ABCC4: variants seen among roughly 807,000 people sequenced by gnomAD.
ABCC4 encodes ATP binding cassette subfamily C member 4 (PEL blood group).
Under a neutral mutation model 168.5 loss-of-function variants are expected in ABCC4, and 102 were observed. The ratio of observed to expected loss-of-function variants is 0.61; its 90% CI spans 0.52 to 0.71. The LOEUF is 0.71. ABCC4 is among the 30% of genes least tolerant of loss of function. ABCC4 has a pLI of 0.00. For synonymous variants in ABCC4, 617 were observed against 590.7 expected (o/e 1.04, Z -0.65); for missense variants, 1,402 against 1,605.8 (o/e 0.87, Z 2.17).
rs762421981 is a variant in ABCC4 at position 95,206,731 on chromosome 13, A to C, written c.962T>G (p.Leu321Trp). The C allele has an allele frequency of 6.2e-7, 1 of 1,614,174 alleles. No individual in the cohort carries two copies. Among genetic ancestry groups the C allele is most frequent in the Non-Finnish European group, 8.5e-7 (1 of 1,180,006 alleles). Residue 321 changes from leucine to tryptophan, a missense_variant, in exon 8 of 31, where the codon TTG becomes TGG. By Grantham distance (61) the Leu-to-Trp change is moderately conservative. Transcript: ENST00000645237. ...LRSSCLRGMNLASFFSASKII... is the reference protein window; with the variant it reads ...LRSSCLRGMNWASFFSASKII... ...TTTGCTTGCACTGAAAAATGAAGCC[A>C]AATTCATCCCTCTGAGGCAGGAACT...
chr13:95,193,407 C>G (rs2038320161), intron 9 of ABCC4, among the ~76,000 whole-genome samples: 1 of 152,202 alleles, frequency 6.6e-6, no homozygotes, highest in Non-Finnish European at 1.5e-5. Flanking sequence ...TTGCTGGCAG[C>G]TGGGCCACTG....
At position 95,096,104 on chromosome 13, in the gene ABCC4, T is replaced by C; in HGVS notation, c.2536-12814A>G. The C allele has an allele frequency of 7.2e-6, 4 of 554,902 alleles. No individual in the cohort carries two copies. In the South Asian group the frequency reaches 9.7e-5, roughly 14 times the overall value. 34.4% of individuals were successfully genotyped at this position (554,902 alleles called of 1,614,324 possible). ...ATGCCTATAATCCCAGCACTGAGGT[T>C]TGCTTGAGGAGGGAGGAGGATTGCT... On this transcript the variant is annotated intron_variant, in intron 20 of 30. Coordinates refer to ENST00000645237, the MANE Select transcript of ABCC4 (RefSeq NM_005845.5).
intron 4 of ABCC4, among the ~76,000 whole-genome samples, chr13:95,228,984 A>G (rs975630359): frequency 6.6e-6 from 1 of 152,186 alleles, no homozygotes; most frequent in Non-Finnish European, 1.5e-5. Flanking sequence ...AGAAAGATGA[A>G]GAGTACCTGA....
intron 29 of ABCC4, among the ~76,000 whole-genome samples, chr13:95,039,069 T>C (rs535192208): frequency 1.2e-4 from 18 of 152,270 alleles, no homozygotes; most frequent in African/African-American, 4.3e-4. Flanking sequence ...AGGATGCACA[T>C]GAAAAAATGC....
intron 19 of ABCC4, among the ~76,000 whole-genome samples, chr13:95,148,594 A>ACACACG (rs1267428213): frequency 7.8e-4 from 43 of 55,344 alleles, no homozygotes; most frequent in African/African-American, 7.6e-3. Context: ...CCATCACAAC[A>ACACACG]CACACACACA....
At chr13:95,279,011 G>A (rs1345098938) in intron 1 of ABCC4, among the ~76,000 whole-genome samples, 2 of 151,208 alleles carry the variant, frequency 1.3e-5, no homozygotes. Flanking sequence ...ACAAAAAAAC[G>A]TGATCTAATA....
At chr13:95,066,387 T>C (rs185662964) in intron 25 of ABCC4, among the ~76,000 whole-genome samples, 30 of 152,214 alleles carry the variant, frequency 2.0e-4, no homozygotes, top group African/African-American at 7.0e-4. Flanking sequence ...ATTTATATAC[T>C]ACTTTGTTTC....
chr13:95,034,552 C>T (rs996409114), intron 30 of ABCC4, 53 bp downstream of exon 30: 92 of 1,584,536 alleles, frequency 5.8e-5, no homozygotes, highest in South Asian at 2.2e-4. Context: ...CCAAATTGTG[C>T]GGAGGGAGCC....
At chr13:95,194,260 A>C (rs368239539) in intron 9 of ABCC4, among the ~76,000 whole-genome samples, 11 of 152,226 alleles carry the variant, frequency 7.2e-5, no homozygotes, top group African/African-American at 2.7e-4. Flanking sequence ...GAAACCCTTC[A>C]GTCAGGAATC....
Position 95,210,702 on chromosome 13 carries a change from T to G in ABCC4, c.611A>C (p.Lys204Thr). ...TGAGCTGCAGCTTACCTGATCAAAC[T>G]TGTTCACATCATTGGACAGCAGATT... is the stretch of plus-strand genomic sequence containing the variant. ...IVNLLSNDVN[K>T]FDQVTVFLHF... Residue 204 changes from lysine (K) to threonine (T), a missense_variant, in exon 5 of 31, where the codon AAG becomes ACG. Physicochemically the swap from Lys to Thr is moderately conservative, Grantham distance 78 (BLOSUM62 -1). This residue lies in a region of ABCC4 where 317 missense variants were observed against 345.5 expected (regional missense o/e 0.92). Transcript: ENST00000645237. 1 of 1,614,062 alleles carries G rather than the reference T, an allele frequency of 6.2e-7. No homozygotes were observed. The highest frequency in any genetic ancestry group is 1.1e-5 in the South Asian group (1 of 91,070).
At chr13:95,280,754 G>A (rs937824736) in intron 1 of ABCC4, among the ~76,000 whole-genome samples, 8 of 152,092 alleles carry the variant, frequency 5.3e-5, no homozygotes, top group African/African-American at 1.9e-4. Flanking sequence ...CCGAGGAACT[G>A]TGGACATGAG....
chr13:95,023,725 T>C (rs989183801), intron 30 of ABCC4, among the ~76,000 whole-genome samples: 23 of 152,154 alleles, frequency 1.5e-4, no homozygotes, highest in African/African-American at 5.3e-4. Context: ...CGTGGAGGTA[T>C]CGCCCAGCTC....
intron 19 of ABCC4, among the ~76,000 whole-genome samples, chr13:95,143,083 G>C (rs1300345226): frequency 6.6e-6 from 1 of 152,036 alleles, no homozygotes; most frequent in Non-Finnish European, 1.5e-5. Context: ...ACCTGGATTG[G>C]TACATGTGTG....
chr13:95,198,556 C>T (rs748340863), intron 8 of ABCC4, among the ~76,000 whole-genome samples: 6 of 152,166 alleles, frequency 3.9e-5, no homozygotes, highest in South Asian at 2.1e-4. Context: ...GTGGCAATTC[C>T]TCAAGGAACT....
intron 1 of ABCC4, among the ~76,000 whole-genome samples, chr13:95,290,337 A>G (rs1462034635): frequency 2.0e-5 from 3 of 152,192 alleles, no homozygotes; most frequent in South Asian, 2.1e-4. Context: ...GAAATAATGC[A>G]CATCAACAAT....
chr13:95,224,252 T>G (rs538346889), intron 4 of ABCC4, among the ~76,000 whole-genome samples: 32 of 142,844 alleles, frequency 2.2e-4, no homozygotes, highest in African/African-American at 7.8e-4. Flanking sequence ...AAGATACAAA[T>G]GATGGCTAAC....
intron 1 of ABCC4, among the ~76,000 whole-genome samples, chr13:95,298,735 G>A (rs894949352): frequency 1.3e-5 from 2 of 152,194 alleles, no homozygotes; most frequent in Admixed American, 1.3e-4. Context: ...CAGCTCCAAA[G>A]AGGCTGGGGA....
intron 11 of ABCC4, among the ~76,000 whole-genome samples, chr13:95,179,700 G>A (rs1396086614): frequency 6.6e-6 from 1 of 152,126 alleles, no homozygotes; most frequent in Non-Finnish European, 1.5e-5. Context: ...AGCTGCATAA[G>A]CATCAACCTA....
intron 7 of ABCC4, among the ~76,000 whole-genome samples, chr13:95,207,470 A>T (rs1439393274): frequency 6.6e-6 from 1 of 152,240 alleles, no homozygotes; most frequent in African/African-American, 2.4e-5. Context: ...CATTAATATA[A>T]ATTATAGTTT....
Sources: allele counts gnomAD v4.1 joint callset (sites outside exome capture counted in the v4.1 genomes callset), GRCh38; gene constraint gnomAD v4.1.1; regional missense constraint gnomAD v4.1.1; transcripts MANE v1.5; gene names NCBI Gene and HGNC (gene_info 2026-07-23, HGNC 2026-07-21).